The following CHN2 variants were observed in gnomAD, a reference collection of about 807,000 sequenced individuals.
CHN2 encodes chimerin 2.
Under a neutral mutation model 56.3 loss-of-function variants are expected in CHN2, and 35 were observed. That is an observed-to-expected ratio of 0.62 (90% CI 0.47 to 0.82). The LOEUF (loss-of-function observed/expected upper bound fraction) is 0.82. CHN2 is among the 40% of genes least tolerant of loss of function. The pLI is 0.00. For missense variants in CHN2, 491 were observed against 580.5 expected (o/e 0.85, Z 1.58); for synonymous variants, 210 against 212.8 (o/e 0.99, Z 0.12).
At chr7:29,210,216 T>G (rs578078429) in intron 1 of CHN2, among the ~76,000 whole-genome samples, 1 of 152,310 alleles carries the variant, frequency 6.6e-6, no homozygotes, top group East Asian at 1.9e-4. Context: ...ATATTTCAAA[T>G]AGCAATTACC....
intron 2 of CHN2, among the ~76,000 whole-genome samples, chr7:29,173,391 T>C (rs542340462): frequency 2.0e-5 from 3 of 152,090 alleles, no homozygotes; most frequent in Non-Finnish European, 4.4e-5. Context: ...GGTGGTGCTA[T>C]TAATAATACA....
chr7:29,269,789 C>T (rs1790466506), intron 1 of CHN2, among the ~76,000 whole-genome samples: 1 of 152,226 alleles, frequency 6.6e-6, no homozygotes, highest in South Asian at 2.1e-4. Flanking sequence ...AAACAGTCCC[C>T]TTCCAGGGGC....
intron 1 of CHN2, among the ~76,000 whole-genome samples, chr7:29,324,594 A>G (rs1221066735): frequency 2.0e-5 from 3 of 147,396 alleles, no homozygotes; most frequent in Non-Finnish European, 3.0e-5. Context: ...GTCTTCTAAC[A>G]TCAGCTGTGA....
intron 6 of CHN2, among the ~76,000 whole-genome samples, chr7:29,425,093 A>G (rs781110714): frequency 2.4e-4 from 37 of 152,218 alleles, no homozygotes; most frequent in Non-Finnish European, 1.5e-5. Flanking sequence ...AACCATCTCT[A>G]TGACAGCCAT....
intron 6 of CHN2, among the ~76,000 whole-genome samples, chr7:29,446,177 G>A (rs951771765): frequency 2.0e-5 from 3 of 152,142 alleles, no homozygotes; most frequent in Admixed American, 6.5e-5. Flanking sequence ...CTACACATTA[G>A]TGTACACTGC....
At chr7:29,201,688 A>G (rs936709994) in intron 1 of CHN2, among the ~76,000 whole-genome samples, 3 of 152,196 alleles carry the variant, frequency 2.0e-5, no homozygotes, top group African/African-American at 4.8e-5. Context: ...CTAGTGCTCA[A>G]TAGCACACAT....
intron 7 of CHN2, among the ~76,000 whole-genome samples, chr7:29,481,547 G>A (rs1787229335): frequency 6.6e-6 from 1 of 151,992 alleles, no homozygotes; most frequent in South Asian, 2.1e-4. Flanking sequence ...TACATACTTA[G>A]CATTAGGGTG....
chr7:29,255,107 T>G (rs1232071337), intron 1 of CHN2, among the ~76,000 whole-genome samples: 1 of 152,020 alleles, frequency 6.6e-6, no homozygotes, highest in Non-Finnish European at 1.5e-5. Context: ...GAATGGACAG[T>G]GGGTTACTGA....
intron 2 of CHN2, among the ~76,000 whole-genome samples, chr7:29,147,565 C>T (rs1431861277): frequency 6.6e-6 from 1 of 152,210 alleles, no homozygotes; most frequent in Non-Finnish European, 1.5e-5. Flanking sequence ...GTTGTGAGGA[C>T]TCACTGAAAA....
intron 6 of CHN2, among the ~76,000 whole-genome samples, chr7:29,460,054 T>G (rs1448990741): frequency 6.7e-6 from 1 of 150,134 alleles, no homozygotes; most frequent in Non-Finnish European, 1.5e-5. Flanking sequence ...CAAATTCCCC[T>G]TAGCATATGT....
intron 11 of CHN2, among the ~76,000 whole-genome samples, chr7:29,508,920 C>T (rs1250157222): frequency 2.7e-5 from 4 of 149,740 alleles, no homozygotes; most frequent in South Asian, 2.1e-4. Context: ...GCAATACTAC[C>T]GTATGTGGTG....
chr7:29,464,389 G>A (rs1195272172), intron 6 of CHN2, among the ~76,000 whole-genome samples: 3 of 152,094 alleles, frequency 2.0e-5, no homozygotes, highest in Admixed American at 6.5e-5. Flanking sequence ...TTTAATCACC[G>A]AGCAACTAAT....
At chr7:29,197,654 T>G (rs1050701801) in intron 1 of CHN2, among the ~76,000 whole-genome samples, 1 of 152,222 alleles carries the variant, frequency 6.6e-6, no homozygotes, top group Non-Finnish European at 1.5e-5. Context: ...GATCTTGAAT[T>G]TTGGGCTTCA....
At chr7:29,346,337 G>C (rs1797438648) in intron 1 of CHN2, among the ~76,000 whole-genome samples, 1 of 152,182 alleles carries the variant, frequency 6.6e-6, no homozygotes, top group Non-Finnish European at 1.5e-5. Flanking sequence ...GTTGTTGTTT[G>C]CTTTCATTTG....
chr7:29,304,133 C>G (rs1392975046), intron 1 of CHN2, among the ~76,000 whole-genome samples: 2 of 151,364 alleles, frequency 1.3e-5, no homozygotes, highest in Non-Finnish European at 2.9e-5. Context: ...GGTAGAGGGA[C>G]AAAATGAAAA....
chr7:29,171,855 C>T (rs900838169), intron 2 of CHN2, among the ~76,000 whole-genome samples: 91 of 152,110 alleles, frequency 6.0e-4, no homozygotes, highest in Non-Finnish European at 2.8e-4. Context: ...TCAAGCATGC[C>T]GTCACATATA....
chr7:29,231,084 C>T (rs532416435), intron 1 of CHN2, among the ~76,000 whole-genome samples: 1 of 152,242 alleles, frequency 6.6e-6, no homozygotes, highest in South Asian at 2.1e-4. Flanking sequence ...ATGAGCCTGG[C>T]GGGAGGACAC....
intron 1 of CHN2, among the ~76,000 whole-genome samples, chr7:29,245,816 A>C (rs1788031697): frequency 6.6e-6 from 1 of 152,146 alleles, no homozygotes; most frequent in Admixed American, 6.5e-5. Flanking sequence ...TCCGCTCTTC[A>C]GGCCACTTGG....
intron 1 of CHN2, among the ~76,000 whole-genome samples, chr7:29,228,220 A>G (rs1169032673): frequency 6.6e-6 from 1 of 151,666 alleles, no homozygotes; most frequent in Non-Finnish European, 1.5e-5. Context: ...AGAGAGAGAC[A>G]GAGAGAGAGT....
Sources: gnomAD v4.1 joint callset for allele counts (sites outside exome capture counted in the v4.1 genomes callset) on GRCh38, gnomAD v4.1.1 for gene constraint, MANE v1.5 for transcripts, NCBI Gene and HGNC (gene_info 2026-07-23, HGNC 2026-07-21) for gene names.